Variants in NPSR1 observed in about 807,000 individuals in gnomAD.
The protein encoded by NPSR1 is neuropeptide S receptor.
A neutral mutation model predicts 46.9 loss-of-function variants in NPSR1; 48 were observed. The ratio of observed to expected loss-of-function variants is 1.02; its 90% CI spans 0.81 to 1.30. The LOEUF (loss-of-function observed/expected upper bound fraction) is 1.30. NPSR1 is among the 50% of genes most tolerant of loss of function. The pLI is 0.00. For missense variants in NPSR1, 450 were observed against 449.5 expected, an observed-to-expected ratio of 1.00 and a Z score of -0.01; for synonymous variants, 176 against 168.1, an observed-to-expected ratio of 1.05 and a Z score of -0.36.
intron 5 of NPSR1, among the ~76,000 whole-genome samples, chr7:34,832,313 C>A (rs1235706362): frequency 2.6e-5 from 4 of 152,144 alleles, no homozygotes; most frequent in African/African-American, 9.7e-5. Flanking sequence ...GCAGGTGGAC[C>A]TCTTGGGCCC....
At chr7:34,805,837 A>T (rs1401415042) in intron 3 of NPSR1, among the ~76,000 whole-genome samples, 1 of 152,082 alleles carries the variant, frequency 6.6e-6, no homozygotes, top group Non-Finnish European at 1.5e-5. Context: ...TTAAAACTCA[A>T]CAATAAGAAA....
At chr7:34,736,351 A>C (rs1201173492) in intron 2 of NPSR1, among the ~76,000 whole-genome samples, 1 of 152,132 alleles carries the variant, frequency 6.6e-6, no homozygotes, top group Admixed American at 6.5e-5. Context: ...TGCTATACTC[A>C]TCTTCATCTG....
chr7:34,876,511 C>T (rs565744665), intron 8 of NPSR1, among the ~76,000 whole-genome samples: 48 of 152,246 alleles, frequency 3.2e-4, no homozygotes, highest in South Asian at 6.2e-4. Flanking sequence ...CATACAGCAC[C>T]GCCCCAGTCC....
At chr7:34,766,983 G>A (rs963042735) in intron 2 of NPSR1, among the ~76,000 whole-genome samples, 9 of 152,198 alleles carry the variant, frequency 5.9e-5, no homozygotes, top group African/African-American at 2.2e-4. Flanking sequence ...ATTAGTGTTT[G>A]CTAGGAAATG....
intron 1 of NPSR1, among the ~76,000 whole-genome samples, chr7:34,671,399 G>T (rs1415309133): frequency 2.0e-5 from 3 of 152,124 alleles, no homozygotes; most frequent in South Asian, 2.1e-4. Context: ...GATACACCAT[G>T]CCACCTCTCA....
At chr7:34,660,898 C>T (rs956330912) in intron 1 of NPSR1, among the ~76,000 whole-genome samples, 7 of 152,178 alleles carry the variant, frequency 4.6e-5, no homozygotes, top group Admixed American at 6.5e-5. Flanking sequence ...GTGTCACGGA[C>T]TGTACCTCTC....
rs564946997 is a variant in NPSR1 at position 34,731,213 on chromosome 7, TA to T, written c.280+46535del. ...GCTGATCAAGAGTTAATATACTCAC[TA>T]AAAAAGGACTTTCTACAAATCAATA... On this transcript the variant is annotated intron_variant, in intron 2 of 8. Coordinates refer to ENST00000360581, the MANE Select transcript of NPSR1 (RefSeq NM_207172.2). Among the ~76,000 whole-genome samples, 9 of 152,164 alleles carry T rather than the reference TA, an allele frequency of 5.9e-5. No homozygotes were observed. The South Asian group carries it at 1.9e-3, about 32-fold the overall frequency.
intron 2 of NPSR1, chr7:34,711,111 A>G (rs1371913501): frequency 2.9e-5 from 9 of 309,266 alleles, no homozygotes; most frequent in South Asian, 7.3e-5. Flanking sequence ...CAGATCTTCA[A>G]TGGAAGCTTT....
chr7:34,670,818 A>C (rs548079063), intron 1 of NPSR1, among the ~76,000 whole-genome samples: 1 of 152,036 alleles, frequency 6.6e-6, no homozygotes, highest in South Asian at 2.1e-4. Context: ...ATAATATGAG[A>C]TATATCAAAT....
At position 34,737,579 on chromosome 7, in the gene NPSR1, G is replaced by T. The variant is rs543824428; in HGVS notation, c.281-40883G>T. On this transcript the variant is annotated intron_variant, in intron 2 of 8. Coordinates refer to ENST00000360581, the MANE Select transcript of NPSR1 (RefSeq NM_207172.2). Reference sequence around the variant, plus strand: ...ACTTTCATATTCTAAACCGAGGGTCGATTATTTGAACGGACAGTAGTATTC... The same window carrying T: ...ACTTTCATATTCTAAACCGAGGGTCTATTATTTGAACGGACAGTAGTATTC... Among the ~76,000 whole-genome samples, 171 of 152,196 alleles carry T rather than the reference G, an allele frequency of 1.1e-3. 2 individuals are homozygous for T. Among genetic ancestry groups the T allele is most frequent in the Admixed American group, 2.2e-3 (34 of 15,286 alleles).
At chr7:34,871,447 C>T (rs2128770270) in intron 8 of NPSR1, 1 of 151,888 alleles carries the variant, frequency 6.6e-6, no homozygotes, top group Non-Finnish European at 1.5e-5. Context: ...TATCATTTCA[C>T]CTCTGGCCCC....
intron 3 of NPSR1, among the ~76,000 whole-genome samples, chr7:34,805,479 CAAAAAA>C (rs57776086): frequency 0.041 from 2,944 of 71,922 alleles, 39 homozygotes; most frequent in Non-Finnish European, 0.06. Flanking sequence ...TATCCACATG[CAAAAAA>C]AAAAAAAAAA....
At chr7:34,867,734 TAAG>T (rs1397485727) in intron 8 of NPSR1, among the ~76,000 whole-genome samples, 2 of 151,820 alleles carry the variant, frequency 1.3e-5, no homozygotes, top group Non-Finnish European at 2.9e-5. Flanking sequence ...CAATCTCTCT[TAAG>T]AAATTATAAA....
chr7:34,791,019 T>C (rs1287962828), intron 3 of NPSR1, among the ~76,000 whole-genome samples: 1 of 120,294 alleles, frequency 8.3e-6, no homozygotes, highest in Non-Finnish European at 1.6e-5. Context: ...TTATATTATA[T>C]ATGTTATATG....
rs1476677883 is a variant in NPSR1, at chr7:34,866,346, A to G, written c.1026-11730A>G. On this transcript the variant is annotated intron_variant, in intron 8 of 8. Coordinates refer to the NPSR1 transcript ENST00000359791. ...AGCAGGACCCGTGAGTAAACAGAGG[A>G]AGTCAGCTCATGGAGAAAGGACAAG... Among the ~76,000 whole-genome samples the G allele has an allele frequency of 5.3e-5, 8 of 151,978 alleles. No homozygotes were observed. The South Asian group carries it at 1.5e-3, about 28-fold the overall frequency.
In NPSR1 at chr7:34,847,212, C is replaced by T. The variant is rs144123045; in HGVS notation, c.845-1271C>T. 5.9e-5 allele frequency among the ~76,000 whole-genome samples: 9 copies of T among 152,242 alleles called. No individual in the cohort carries two copies. The East Asian group carries it at 1.4e-3, about 23-fold the overall frequency. ...CAGAATCCACATTACACAGTTATGA[C>T]GGAAAGCTTGTCCCTGCATGCAGAC... On this transcript the variant is annotated intron_variant, in intron 7 of 8. Coordinates refer to ENST00000360581, the MANE Select transcript of NPSR1 (RefSeq NM_207172.2).
chr7:34,679,234 T>C (rs1343316819), intron 1 of NPSR1, among the ~76,000 whole-genome samples: 2 of 152,186 alleles, frequency 1.3e-5, no homozygotes, highest in Non-Finnish European at 2.9e-5. Context: ...AGATCTTACA[T>C]ATCAGTTACA....
At position 34,685,582 on chromosome 7, in the gene NPSR1, G is replaced by C. The variant is rs34933196; in HGVS notation, c.280+898G>C. On this transcript the variant is annotated intron_variant, in intron 2 of 8. Transcript: ENST00000360581. ...AATGACTTTCAGAAAGGGCTATTTG[G>C]TACATTTCAACCTGTACTGTTATCT... is the stretch of plus-strand genomic sequence containing the variant. Among the ~76,000 whole-genome samples, 1,199 of 152,240 alleles carry C rather than the reference G, an allele frequency of 7.9e-3. 12 individuals carry two copies. The highest frequency in any genetic ancestry group is 0.027 in the African/African-American group (1,135 of 41,528).
rs1382579761 is a variant in NPSR1, at chr7:34,801,658, C to T, written c.385-10112C>T. On this transcript the variant is annotated intron_variant, in intron 3 of 8. Transcript: ENST00000360581. ...GAAGCATTCCCTTTGAAAACTGGCA[C>T]AAGACAGGGATGCCCTCTCTCACCA... Among the ~76,000 whole-genome samples the T allele has an allele frequency of 2.1e-5, 3 of 145,670 alleles. No homozygotes were observed. The East Asian group carries it at 6.1e-4, about 29-fold the overall frequency.
Sources: allele counts gnomAD v4.1 joint callset (sites outside exome capture counted in the v4.1 genomes callset), GRCh38; gene constraint gnomAD v4.1.1; transcripts MANE v1.5; gene names NCBI Gene and HGNC (gene_info 2026-07-23, HGNC 2026-07-21).